FRMPD2: variants seen among roughly 807,000 people sequenced by gnomAD.
The protein encoded by FRMPD2 is FERM and PDZ domain containing 2.
A neutral mutation model predicts 140.1 loss-of-function variants in FRMPD2; 96 were observed. The ratio of observed to expected loss-of-function variants is 0.69; its 90% CI spans 0.58 to 0.81. FRMPD2 has a LOEUF of 0.81. Among genes scored for constraint, FRMPD2 ranks in the 40% least tolerant of loss-of-function variants. The probability of loss-of-function intolerance (pLI) is 0.00; values close to 1 mark genes in which losing one functional copy is unlikely to be tolerated. For synonymous variants in FRMPD2, 449 were observed against 547.6 expected, an observed-to-expected ratio of 0.82 and a Z score of 2.52; for missense variants, 1,240 against 1,447.4, an observed-to-expected ratio of 0.86 and a Z score of 2.32.
chr10:48,260,711 C>T (rs1840573519), intron 1 of FRMPD2, among the ~76,000 whole-genome samples: 1 of 152,068 alleles, frequency 6.6e-6, no homozygotes, highest in African/African-American at 2.4e-5. Flanking sequence ...TTCCTATTAC[C>T]CCATACATCA....
At chr10:48,203,959 T>C (rs1839147052) in intron 14 of FRMPD2, among the ~76,000 whole-genome samples, 1 of 152,180 alleles carries the variant, frequency 6.6e-6, no homozygotes, top group Non-Finnish European at 1.5e-5. Context: ...GGTTTAGATT[T>C]AGTTGGATTT....
intron 16 of FRMPD2, among the ~76,000 whole-genome samples, chr10:48,189,919 C>T (rs759729467): frequency 9.2e-5 from 14 of 152,158 alleles, no homozygotes; most frequent in Admixed American, 3.3e-4. Flanking sequence ...ATTTAATTCC[C>T]ACAGCCACCC....
chr10:48,184,731 T>C, intron 19 of FRMPD2, 43 bp downstream of exon 19: 1 of 1,594,172 alleles, frequency 6.3e-7, no homozygotes, highest in Non-Finnish European at 8.6e-7. Context: ...TAAAAAAGAG[T>C]GGTTTCTTAA....
chr10:48,271,929 A>G (rs979081950), intron 1 of FRMPD2, among the ~76,000 whole-genome samples: 3 of 152,212 alleles, frequency 2.0e-5, no homozygotes, highest in Non-Finnish European at 4.4e-5. Flanking sequence ...CAGTTTTTCA[A>G]TAAATCCTAG....
At chr10:48,164,458 C>G (rs1163885007) in intron 27 of FRMPD2, among the ~76,000 whole-genome samples, 2 of 149,660 alleles carry the variant, frequency 1.3e-5, no homozygotes, top group Non-Finnish European at 3.0e-5. Flanking sequence ...TGAAAATTAT[C>G]TTCCAGCACT....
At chr10:48,194,577 A>G (rs571655170) in intron 15 of FRMPD2, among the ~76,000 whole-genome samples, 1 of 152,310 alleles carries the variant, frequency 6.6e-6, no homozygotes, top group East Asian at 1.9e-4. Context: ...CTGTGATTAC[A>G]GGAAGGAGCC....
intron 27 of FRMPD2, 62 bp from the exon 28 acceptor site, chr10:48,163,733 AAAGCTTTTTTCCCCC>A: frequency 9.9e-7 from 1 of 1,013,452 alleles, no homozygotes; most frequent in Non-Finnish European, 1.6e-6. Context: ...TTAAAAATAC[AAAGCTTTTTTCCCCC>A]ATGTGATTAT....
chr10:48,178,589 TCCACCA>T lies in FRMPD2; in HGVS notation c.2791-444_2791-439del, dbSNP rs1431964113. ...TGAGACCTGAAGTGAGAATCTAAAG[TCCACCA>T]TACCACAGAGGATCATCTGGCCACA... On this transcript the variant is annotated intron_variant, in intron 21 of 28. Coordinates refer to ENST00000374201, the MANE Select transcript of FRMPD2 (RefSeq NM_001018071.4). Among the ~76,000 whole-genome samples the T allele has an allele frequency of 5.8e-4, 88 of 152,188 alleles. 1 individual carries two copies. The highest frequency in any genetic ancestry group is 2.0e-3 in the African/African-American group (83 of 41,512).
At position 48,187,175 on chromosome 10, in the gene FRMPD2, C is replaced by A. The variant is rs188103401; in HGVS notation, c.2266+17G>T. 4 of 1,595,776 alleles carry A rather than the reference C, an allele frequency of 2.5e-6. No individual in the cohort carries two copies. Among genetic ancestry groups the A allele is most frequent in the African/African-American group, 1.3e-5 (1 of 74,620 alleles). ...GGGGTTCCTCCACCCAAGACCTGGT[C>A]GTGGCCTGGCCCATACCTGCATGCA... On this transcript the variant is annotated intron_variant, in intron 17 of 28. Coordinates refer to ENST00000374201, the MANE Select transcript of FRMPD2 (RefSeq NM_001018071.4).
chr10:48,207,840 AC>A (rs1296137403), intron 13 of FRMPD2, among the ~76,000 whole-genome samples: 2 of 151,878 alleles, frequency 1.3e-5, no homozygotes, highest in Non-Finnish European at 2.9e-5. Flanking sequence ...AATCTCTCTC[AC>A]CCCCAGGCAA....
rs545513363 is a variant in FRMPD2, at chr10:48,159,566, C to A, written c.3882-2196G>T. ...GACATCACACCTGGCCTGGCCCCTG[C>A]AGTTGAGTGAGATCTCTGGCCTCCT... is the stretch of plus-strand genomic sequence containing the variant. On this transcript the variant is annotated intron_variant, in intron 28 of 28. Coordinates refer to ENST00000374201, the MANE Select transcript of FRMPD2 (RefSeq NM_001018071.4). 6.9e-4 allele frequency among the ~76,000 whole-genome samples: 105 copies of A among 152,082 alleles called. 1 individual carries two copies. The East Asian group carries it at 0.018, about 26-fold the overall frequency.
intron 10 of FRMPD2, among the ~76,000 whole-genome samples, chr10:48,231,035 G>C (rs1361757099): frequency 6.6e-6 from 1 of 152,208 alleles, no homozygotes; most frequent in East Asian, 1.9e-4. Context: ...GAAGCTGAAA[G>C]ATGTTTTTAC....
chr10:48,189,297 G>A (rs1168868429), intron 16 of FRMPD2, among the ~76,000 whole-genome samples: 2 of 152,304 alleles, frequency 1.3e-5, no homozygotes, highest in East Asian at 3.9e-4. Context: ...CCAGCGATGT[G>A]GAGGAGCCAC....
chr10:48,163,024 A>G (rs1837985520), intron 28 of FRMPD2, among the ~76,000 whole-genome samples: 2 of 147,088 alleles, frequency 1.4e-5, no homozygotes, highest in Non-Finnish European at 3.0e-5. Context: ...AAGCTTTAAC[A>G]GGCCATGGAA....
chr10:48,194,209 G>A (rs1401513343), intron 15 of FRMPD2, among the ~76,000 whole-genome samples: 1 of 152,296 alleles, frequency 6.6e-6, no homozygotes, highest in East Asian at 1.9e-4. Flanking sequence ...ACCCTATGGG[G>A]TAGATATTAT....
chr10:48,187,328 C>T (rs774364272), intron 16 of FRMPD2, 36 bp from the exon 17 acceptor site: 9 of 1,585,520 alleles, frequency 5.7e-6, no homozygotes, highest in Non-Finnish European at 6.9e-6. Flanking sequence ...GATAAGGTGG[C>T]CCACGGGGAA....
intron 10 of FRMPD2, among the ~76,000 whole-genome samples, chr10:48,228,828 C>T (rs530108018): frequency 4.6e-5 from 7 of 151,866 alleles, no homozygotes; most frequent in African/African-American, 1.7e-4. Flanking sequence ...TAGTTGGAGG[C>T]TAGTTGAGGA....
At chr10:48,221,644 T>C (rs1839588569) in intron 12 of FRMPD2, among the ~76,000 whole-genome samples, 1 of 152,234 alleles carries the variant, frequency 6.6e-6, no homozygotes, top group African/African-American at 2.4e-5. Flanking sequence ...TTACTATTGA[T>C]GATGGTGATT....
At chr10:48,244,257 C>T (rs1355559014) in intron 4 of FRMPD2, among the ~76,000 whole-genome samples, 1 of 152,194 alleles carries the variant, frequency 6.6e-6, no homozygotes, top group Non-Finnish European at 1.5e-5. Flanking sequence ...AGTGCTGGGA[C>T]TATAGGCGTG....
Sources: gnomAD v4.1 joint callset for allele counts (sites outside exome capture counted in the v4.1 genomes callset) on GRCh38, gnomAD v4.1.1 for gene constraint, MANE v1.5 for transcripts, NCBI Gene and HGNC (gene_info 2026-07-23, HGNC 2026-07-21) for gene names.